Variants in LUZP2 observed in about 807,000 individuals in gnomAD.
The protein encoded by LUZP2 is leucine zipper protein 2.
Under a neutral mutation model 51.6 loss-of-function variants are expected in LUZP2, and 52 were observed. The ratio of observed to expected loss-of-function variants is 1.01; its 90% CI spans 0.81 to 1.27. The LOEUF (loss-of-function observed/expected upper bound fraction) is 1.27, where lower values mean the gene tolerates loss of function less well. Among genes scored for constraint, LUZP2 ranks in the 50% most tolerant of loss-of-function variants. LUZP2 has a pLI of 0.00. For synonymous variants in LUZP2, 154 were observed against 137.3 expected, an observed-to-expected ratio of 1.12 and a Z score of -0.85; for missense variants, 436 against 395.4, an observed-to-expected ratio of 1.10 and a Z score of -0.87.
At chr11:24,929,686 A>G (rs531114531) in intron 7 of LUZP2, among the ~76,000 whole-genome samples, 27 of 152,222 alleles carry the variant, frequency 1.8e-4, no homozygotes, top group Non-Finnish European at 2.9e-5. Context: ...AATAGAGTAT[A>G]TATTCTGCAA....
At chr11:24,787,821 T>A (rs367922130) in intron 5 of LUZP2, among the ~76,000 whole-genome samples, 2 of 152,278 alleles carry the variant, frequency 1.3e-5, no homozygotes, top group South Asian at 4.1e-4. Flanking sequence ...TTGAAATTAG[T>A]TACACAATGT....
chr11:25,064,474 G>A (rs1446167), intron 10 of LUZP2, among the ~76,000 whole-genome samples: 136,676 of 151,988 alleles, frequency 0.9, 62,433 homozygotes, highest in Non-Finnish European at 0.98. Flanking sequence ...CAAATTTTCA[G>A]CAACTTCTCA....
intron 1 of LUZP2, among the ~76,000 whole-genome samples, chr11:24,689,445 A>C (rs1857000881): frequency 6.6e-6 from 1 of 152,168 alleles, no homozygotes; most frequent in South Asian, 2.1e-4. Context: ...GAGCCTGCTC[A>C]CCCAGCTCCT....
chr11:25,054,222 CT>C (rs1161762674), intron 10 of LUZP2, among the ~76,000 whole-genome samples: 1 of 152,082 alleles, frequency 6.6e-6, no homozygotes, highest in Non-Finnish European at 1.5e-5. Flanking sequence ...GTCTGTTCAG[CT>C]TTTTGCTTGT....
intron 9 of LUZP2, among the ~76,000 whole-genome samples, chr11:25,014,528 G>T (rs1238987237): frequency 6.6e-6 from 1 of 152,124 alleles, no homozygotes; most frequent in Non-Finnish European, 1.5e-5. Context: ...TCATGTGTCT[G>T]TTGGCTGCAT....
intron 3 of LUZP2, among the ~76,000 whole-genome samples, chr11:24,734,261 GA>G (rs1489298665): frequency 1.8e-5 from 1 of 55,718 alleles, no homozygotes; most frequent in African/African-American, 8.2e-5. Context: ...CGCGGATGAG[GA>G]GACGGCTTAT....
chr11:24,959,623 G>A (rs944928420), intron 7 of LUZP2, among the ~76,000 whole-genome samples: 9 of 152,320 alleles, frequency 5.9e-5, no homozygotes, highest in African/African-American at 2.2e-4. Flanking sequence ...CTTTGCTGAA[G>A]TTGCTTATCA....
At chr11:24,625,914 G>GAA (rs144350035) in intron 1 of LUZP2, among the ~76,000 whole-genome samples, 1 of 151,920 alleles carries the variant, frequency 6.6e-6, no homozygotes, top group Admixed American at 6.6e-5. Context: ...AAACATCTTG[G>GAA]AAAAAATCAA....
chr11:24,988,210 C>G (rs1027435544), intron 9 of LUZP2, among the ~76,000 whole-genome samples: 11 of 151,974 alleles, frequency 7.2e-5, no homozygotes, highest in Non-Finnish European at 1.6e-4. Context: ...ATGAACTATC[C>G]TCCATGTGAA....
chr11:24,911,381 TC>T (rs1447401566), intron 6 of LUZP2, among the ~76,000 whole-genome samples: 1 of 152,150 alleles, frequency 6.6e-6, no homozygotes, highest in East Asian at 1.9e-4. Context: ...TACCCAAATC[TC>T]ACCTTGATTT....
chr11:24,514,218 G>A (rs1287324460), intron 1 of LUZP2, among the ~76,000 whole-genome samples: 1 of 152,182 alleles, frequency 6.6e-6, no homozygotes, highest in Non-Finnish European at 1.5e-5. Flanking sequence ...GGTTGTGTGT[G>A]TGTGTGTTTT....
chr11:24,826,190 AATATAT>A (rs1158935544), intron 5 of LUZP2, among the ~76,000 whole-genome samples: 1 of 67,536 alleles, frequency 1.5e-5, no homozygotes, highest in African/African-American at 5.9e-5. Context: ...AAAAAAAAAA[AATATAT>A]ATATATATAT....
chr11:24,732,647 T>C (rs1858754831), intron 3 of LUZP2, among the ~76,000 whole-genome samples: 1 of 151,720 alleles, frequency 6.6e-6, no homozygotes, highest in African/African-American at 2.4e-5. Context: ...ATATTATTAG[T>C]ATTGGTTTGC....
rs565946881 is a variant in LUZP2 at position 24,905,725 on chromosome 11, A to G, written c.397-266A>G. Among the ~76,000 whole-genome samples the G allele has an allele frequency of 5.5e-4, 83 of 152,244 alleles. 1 individual carries two copies. The highest frequency in any genetic ancestry group is 1.9e-3 in the African/African-American group (81 of 41,564). The stretch of plus-strand genomic sequence containing the variant: ...CTTTTTTTTTCAAAAACGAAATCAT[A>G]TCAATTATCTTTTCTCCCCACAATA... On this transcript the variant is annotated intron_variant, in intron 5 of 11. Coordinates refer to ENST00000336930, the MANE Select transcript of LUZP2 (RefSeq NM_001009909.4).
chr11:25,071,848 T>TA (rs60570681), intron 10 of LUZP2, among the ~76,000 whole-genome samples: 2 of 151,218 alleles, frequency 1.3e-5, no homozygotes, highest in African/African-American at 4.9e-5. Flanking sequence ...TAAAAAAAGA[T>TA]AAAAAAAAAT....
intron 1 of LUZP2, among the ~76,000 whole-genome samples, chr11:24,639,940 T>C (rs2133943005): frequency 6.6e-6 from 1 of 152,052 alleles, no homozygotes; most frequent in Admixed American, 6.5e-5. Context: ...ATTCCAGCTC[T>C]GTGAAGACTT....
intron 7 of LUZP2, among the ~76,000 whole-genome samples, chr11:24,938,255 T>A (rs1020879985): frequency 2.0e-5 from 3 of 152,174 alleles, no homozygotes; most frequent in Admixed American, 6.5e-5. Context: ...TTAAATCTAT[T>A]TTTTAATTAA....
chr11:24,989,112 A>G (rs996969944), intron 9 of LUZP2, among the ~76,000 whole-genome samples: 2 of 151,814 alleles, frequency 1.3e-5, no homozygotes, highest in African/African-American at 2.4e-5. Flanking sequence ...AAAAAAAAAA[A>G]AAAAGAAAAG....
chr11:24,739,018 A>T (rs2133984536), intron 4 of LUZP2, among the ~76,000 whole-genome samples: 1 of 152,172 alleles, frequency 6.6e-6, no homozygotes, highest in Admixed American at 6.6e-5. Flanking sequence ...TAGTGTGTTA[A>T]TTGAACATAT....
Sources: allele counts gnomAD v4.1 joint callset (sites outside exome capture counted in the v4.1 genomes callset), GRCh38; gene constraint gnomAD v4.1.1; transcripts MANE v1.5; gene names NCBI Gene and HGNC (gene_info 2026-07-23, HGNC 2026-07-21).